RBFOX1: variants seen among roughly 807,000 people sequenced by gnomAD.
RBFOX1 encodes RNA binding fox-1 homolog 1.
RBFOX1 carries 8 observed loss-of-function variants against 57.7 expected under a neutral mutation model. The observed-to-expected ratio is 0.14, with a 90% CI of 0.08 to 0.25. The LOEUF is 0.25. Among genes scored for constraint, RBFOX1 ranks in the 10% least tolerant of loss-of-function variants. The pLI, the probability that RBFOX1 is intolerant of heterozygous loss-of-function variation, is 1.00. For synonymous variants in RBFOX1, 326 were observed against 222.4 expected (o/e 1.47, Z -4.15); for missense variants, 611 against 548.5 (o/e 1.11, Z -1.14).
At chr16:6,458,198 G>T (rs2094824027) in intron 2 of RBFOX1, among the ~76,000 whole-genome samples, 1 of 152,130 alleles carries the variant, frequency 6.6e-6, no homozygotes, top group Admixed American at 6.5e-5. Context: ...GTGTTATCCT[G>T]AGCTCTGGAA....
intron 4 of RBFOX1, among the ~76,000 whole-genome samples, chr16:7,115,822 C>G (rs1013276749): frequency 6.6e-6 from 1 of 152,222 alleles, no homozygotes; most frequent in Non-Finnish European, 1.5e-5. Flanking sequence ...ACAGGGATCA[C>G]TGGGGACCAT....
intron 5 of RBFOX1, among the ~76,000 whole-genome samples, chr16:7,578,391 T>C (rs967383919): frequency 6.6e-6 from 1 of 152,180 alleles, no homozygotes; most frequent in African/African-American, 2.4e-5. Context: ...CCAGAGCATC[T>C]TGGAAGAATG....
chr16:6,583,512 G>C (rs2097565981), intron 2 of RBFOX1, among the ~76,000 whole-genome samples: 1 of 152,204 alleles, frequency 6.6e-6, no homozygotes, highest in Non-Finnish European at 1.5e-5. Flanking sequence ...AACTTTATTA[G>C]CTTCCATTTT....
intron 1 of RBFOX1, among the ~76,000 whole-genome samples, chr16:6,234,775 A>G (rs1194066674): frequency 6.6e-6 from 1 of 152,104 alleles, no homozygotes; most frequent in Non-Finnish European, 1.5e-5. Flanking sequence ...ACATGGATCT[A>G]TACATACACA....
intron 2 of RBFOX1, among the ~76,000 whole-genome samples, chr16:5,480,042 G>C (rs952507718): frequency 3.3e-5 from 5 of 152,134 alleles, no homozygotes; most frequent in African/African-American, 1.2e-4. Context: ...GGGTCAGAAA[G>C]TGGTGTTCTG....
chr16:5,917,570 G>A (rs1477271926), intron 4 of RBFOX1, among the ~76,000 whole-genome samples: 1 of 152,202 alleles, frequency 6.6e-6, no homozygotes, highest in African/African-American at 2.4e-5. Flanking sequence ...TGGGAAGGAA[G>A]GAGACTCAAA....
At chr16:6,850,740 A>C (rs1452443077) in intron 3 of RBFOX1, among the ~76,000 whole-genome samples, 1 of 152,216 alleles carries the variant, frequency 6.6e-6, no homozygotes, top group Non-Finnish European at 1.5e-5. Context: ...TGACAATACC[A>C]AATGCTGTCA....
intron 3 of RBFOX1, among the ~76,000 whole-genome samples, chr16:6,983,448 C>CCT (rs1555715220): frequency 3.0e-5 from 4 of 131,168 alleles, no homozygotes; most frequent in African/African-American, 1.1e-4. Flanking sequence ...GACTTGCTGG[C>CCT]TTTTTTTTTT....
At chr16:5,277,983 G>A (rs1253372628) in intron 1 of RBFOX1, among the ~76,000 whole-genome samples, 1 of 152,216 alleles carries the variant, frequency 6.6e-6, no homozygotes, top group Admixed American at 6.5e-5. Context: ...CAGGTATCCC[G>A]TTGATACACT....
rs990643136 is a variant in RBFOX1 at position 7,215,120 on chromosome 16, C to G, written c.27+163022C>G. Among the ~76,000 whole-genome samples the G allele has an allele frequency of 3.3e-5, 5 of 152,160 alleles. No homozygotes were observed. The South Asian group carries it at 6.2e-4, about 19-fold the overall frequency. ...TCGCCTCCCTACGTCCATGTGTTCT[C>G]ATTGTTCAACTCCCACTTATGAGTG... On this transcript the variant is annotated intron_variant, in intron 4 of 15. Coordinates refer to ENST00000550418, the MANE Select transcript of RBFOX1 (RefSeq NM_018723.4).
intron 1 of RBFOX1, among the ~76,000 whole-genome samples, chr16:5,315,651 A>G (rs944651970): frequency 6.6e-6 from 1 of 152,182 alleles, no homozygotes; most frequent in African/African-American, 2.4e-5. Context: ...GTGCGTTTGC[A>G]AGGAATTAAT....
At chr16:6,255,288 G>A (rs1396480270) in intron 1 of RBFOX1, among the ~76,000 whole-genome samples, 1 of 152,120 alleles carries the variant, frequency 6.6e-6, no homozygotes, top group Admixed American at 6.5e-5. Context: ...AAAACTCTGT[G>A]GGTAGTTGAG....
rs536758611 is a variant in RBFOX1, at chr16:6,178,708, G to A, written c.-126-138287G>A. 2.1e-4 allele frequency among the ~76,000 whole-genome samples: 32 copies of A among 152,242 alleles called. No homozygotes were observed. In the East Asian group the frequency reaches 2.9e-3, roughly 14 times the overall value. On this transcript the variant is annotated intron_variant, in intron 1 of 15. Transcript: ENST00000550418. ...GGTATCTAGTCTACCTTCTCATCTC[G>A]TTCTTCAAGACTTGTATTTATGTAG...
At chr16:6,114,299 C>G (rs1384393898) in intron 1 of RBFOX1, among the ~76,000 whole-genome samples, 1 of 152,120 alleles carries the variant, frequency 6.6e-6, no homozygotes, top group Non-Finnish European at 1.5e-5. Flanking sequence ...GACCATTTTA[C>G]GGTTACAGTC....
At chr16:5,853,310 A>C (rs11861919) in intron 3 of RBFOX1, among the ~76,000 whole-genome samples, 1 of 152,148 alleles carries the variant, frequency 6.6e-6, no homozygotes, top group Non-Finnish European at 1.5e-5. Flanking sequence ...GAAATTATGG[A>C]AAGTCAGAAG....
intron 4 of RBFOX1, among the ~76,000 whole-genome samples, chr16:7,382,173 A>AT (rs775710005): frequency 1.4e-4 from 21 of 152,336 alleles, no homozygotes; most frequent in Admixed American, 3.3e-4. Flanking sequence ...AAAAGCCAAT[A>AT]TATCACACTT....
chr16:6,914,586 G>A (rs927085864), intron 3 of RBFOX1, among the ~76,000 whole-genome samples: 2 of 151,998 alleles, frequency 1.3e-5, no homozygotes, highest in African/African-American at 4.8e-5. Flanking sequence ...CCAAAACAGG[G>A]ATCAAGGCCA....
At chr16:7,615,404 G>T (rs1458777374) in intron 10 of RBFOX1, among the ~76,000 whole-genome samples, 1 of 152,156 alleles carries the variant, frequency 6.6e-6, no homozygotes, top group Non-Finnish European at 1.5e-5. Context: ...ACATGCCAGA[G>T]TTCATGTTGA....
intron 3 of RBFOX1, among the ~76,000 whole-genome samples, chr16:6,966,056 C>A (rs1038872801): frequency 6.6e-6 from 1 of 152,056 alleles, no homozygotes; most frequent in African/African-American, 2.4e-5. Flanking sequence ...AAATAAGAAC[C>A]TGGACTTTGA....
Sources: allele counts gnomAD v4.1 joint callset (sites outside exome capture counted in the v4.1 genomes callset), GRCh38; gene constraint gnomAD v4.1.1; transcripts MANE v1.5; gene names NCBI Gene and HGNC (gene_info 2026-07-23, HGNC 2026-07-21).